CCSER1: variants seen among roughly 807,000 people sequenced by gnomAD.
CCSER1 encodes serine-rich coiled-coil domain-containing protein 1.
CCSER1 carries 41 observed loss-of-function variants against 82.0 expected under a neutral mutation model. The ratio of observed to expected loss-of-function variants is 0.50; its 90% CI spans 0.39 to 0.65. The LOEUF (loss-of-function observed/expected upper bound fraction) is 0.65. Among genes scored for constraint, CCSER1 ranks in the 30% least tolerant of loss-of-function variants. CCSER1 has a pLI of 0.00. For synonymous variants in CCSER1, 414 were observed against 383.9 expected (o/e 1.08, Z -0.92); for missense variants, 1,119 against 1,064.2 (o/e 1.05, Z -0.72).
chr4:90,673,368 G>A (rs905370910), intron 6 of CCSER1, among the ~76,000 whole-genome samples: 2 of 151,916 alleles, frequency 1.3e-5, no homozygotes, highest in Admixed American at 6.6e-5. Context: ...AAATTCACCT[G>A]TATAGAATAT....
At chr4:90,817,469 A>G (rs935042065) in intron 8 of CCSER1, among the ~76,000 whole-genome samples, 8 of 152,160 alleles carry the variant, frequency 5.3e-5, no homozygotes, top group South Asian at 2.1e-4. Context: ...AAAATTTAGT[A>G]TACCTCCATC....
chr4:91,382,262 A>T (rs906140538), intron 10 of CCSER1, among the ~76,000 whole-genome samples: 1 of 152,130 alleles, frequency 6.6e-6, no homozygotes, highest in Non-Finnish European at 1.5e-5. Flanking sequence ...AAACCTGCAG[A>T]GGTTTCTGCT....
intron 10 of CCSER1, among the ~76,000 whole-genome samples, chr4:91,350,770 CTT>C (rs1179599844): frequency 1.3e-5 from 2 of 151,746 alleles, no homozygotes; most frequent in African/African-American, 4.8e-5. Flanking sequence ...AAATTCTAGA[CTT>C]AATATTACTG....
intron 10 of CCSER1, among the ~76,000 whole-genome samples, chr4:91,290,811 A>T (rs1416818303): frequency 6.6e-6 from 1 of 152,016 alleles, no homozygotes; most frequent in Non-Finnish European, 1.5e-5. Flanking sequence ...CCTATTATGA[A>T]ATTATTCTAA....
chr4:90,171,105 C>T (rs1285493906), intron 1 of CCSER1, among the ~76,000 whole-genome samples: 1 of 150,428 alleles, frequency 6.6e-6, no homozygotes, highest in Non-Finnish European at 1.5e-5. Context: ...TCTCATGTAC[C>T]CCATAAATAT....
chr4:90,162,614 A>G (rs1729668846), intron 1 of CCSER1, among the ~76,000 whole-genome samples: 1 of 152,132 alleles, frequency 6.6e-6, no homozygotes, highest in Non-Finnish European at 1.5e-5. Context: ...AAGTTAAGAC[A>G]TCAAAACCCT....
intron 5 of CCSER1, among the ~76,000 whole-genome samples, chr4:90,482,235 T>C (rs1766125340): frequency 6.6e-6 from 1 of 152,206 alleles, no homozygotes; most frequent in African/African-American, 2.4e-5. Context: ...TTTCATTTTT[T>C]ATTGCATCTA....
chr4:90,819,175 G>A (rs187874616), intron 8 of CCSER1, among the ~76,000 whole-genome samples: 8 of 151,906 alleles, frequency 5.3e-5, no homozygotes, highest in African/African-American at 1.7e-4. Flanking sequence ...GAGAGAAGAG[G>A]GAGAAAGAGA....
At chr4:90,686,464 C>A (rs1460329766) in intron 6 of CCSER1, among the ~76,000 whole-genome samples, 1 of 151,868 alleles carries the variant, frequency 6.6e-6, no homozygotes, top group African/African-American at 2.4e-5. Context: ...CCCATCTCTG[C>A]TTGCTTTATC....
intron 6 of CCSER1, among the ~76,000 whole-genome samples, chr4:90,691,923 CACTT>C (rs1483731623): frequency 6.6e-6 from 1 of 151,424 alleles, no homozygotes; most frequent in Non-Finnish European, 1.5e-5. Flanking sequence ...TCAATAGAAA[CACTT>C]ATATTAAGTG....
At chr4:90,513,105 G>A (rs1284299121) in intron 5 of CCSER1, among the ~76,000 whole-genome samples, 2 of 152,122 alleles carry the variant, frequency 1.3e-5, no homozygotes, top group African/African-American at 4.8e-5. Flanking sequence ...CAAAACATAA[G>A]ACTCACTTGA....
chr4:90,206,781 A>G (rs200010445), intron 1 of CCSER1, among the ~76,000 whole-genome samples: 1 of 123,128 alleles, frequency 8.1e-6, no homozygotes, highest in Non-Finnish European at 1.6e-5. Context: ...TCTGTCTAAT[A>G]TTAAAGTCTC....
At chr4:90,412,956 G>A (rs906336180) in intron 4 of CCSER1, among the ~76,000 whole-genome samples, 6 of 149,064 alleles carry the variant, frequency 4.0e-5, no homozygotes, top group Non-Finnish European at 9.0e-5. Flanking sequence ...CAGTAAAGAG[G>A]AAGTCAAGCT....
chr4:90,845,744 AT>A (rs1468244989), intron 8 of CCSER1, among the ~76,000 whole-genome samples: 1 of 151,038 alleles, frequency 6.6e-6, no homozygotes, highest in Non-Finnish European at 1.5e-5. Context: ...ACAAAAGTAT[AT>A]TTTCAGTATG....
Position 91,078,610 on chromosome 4 carries a change from A to C in CCSER1, c.2173-7340A>C, listed in dbSNP as rs540593160. Among the ~76,000 whole-genome samples, 17 of 152,182 alleles carry C rather than the reference A, an allele frequency of 1.1e-4. 1 individual carries two copies. The South Asian group carries it at 3.5e-3, about 32-fold the overall frequency. The stretch of plus-strand genomic sequence containing the variant: ...TGAGTCGAGAGAAGAAGGCTTCAGA[A>C]GACTGGTAATAACAAACTTCTCCGA... On this transcript the variant is annotated intron_variant, in intron 9 of 10. Coordinates refer to ENST00000509176, the MANE Select transcript of CCSER1 (RefSeq NM_001145065.2).
chr4:90,290,648 T>G (rs1730758770), intron 1 of CCSER1, among the ~76,000 whole-genome samples: 2 of 151,986 alleles, frequency 1.3e-5, no homozygotes, highest in Admixed American at 1.3e-4. Context: ...TCGCTTGTTT[T>G]TTGTTGAAAT....
chr4:91,082,921 G>A (rs1202608016), intron 9 of CCSER1, among the ~76,000 whole-genome samples: 1 of 152,172 alleles, frequency 6.6e-6, no homozygotes, highest in Non-Finnish European at 1.5e-5. Context: ...ACAGATGCTG[G>A]AGAGGATGTG....
intron 8 of CCSER1, among the ~76,000 whole-genome samples, chr4:90,841,622 T>C (rs896324483): frequency 1.6e-4 from 25 of 151,578 alleles, no homozygotes; most frequent in African/African-American, 5.6e-4. Flanking sequence ...ATATTTTGCA[T>C]GTTTTCCCTG....
intron 5 of CCSER1, among the ~76,000 whole-genome samples, chr4:90,520,082 A>G (rs907242914): frequency 2.0e-5 from 3 of 152,056 alleles, no homozygotes; most frequent in Non-Finnish European, 2.9e-5. Context: ...TATATTTAAT[A>G]GTACTTATAG....
Sources: allele counts gnomAD v4.1 joint callset (sites outside exome capture counted in the v4.1 genomes callset), GRCh38; gene constraint gnomAD v4.1.1; transcripts MANE v1.5; gene names NCBI Gene and HGNC (gene_info 2026-07-23, HGNC 2026-07-21).